Variants in NTM observed in about 807,000 individuals in gnomAD.
The protein encoded by NTM is IgLON family member 2.
A neutral mutation model predicts 42.1 loss-of-function variants in NTM; 13 were observed. The ratio of observed to expected loss-of-function variants is 0.31; its 90% CI spans 0.20 to 0.49. The LOEUF (loss-of-function observed/expected upper bound fraction) is 0.49. NTM is among the 20% of genes least tolerant of loss of function. The pLI, the probability that NTM is intolerant of heterozygous loss-of-function variation, is 0.99. For missense variants in NTM, 373 were observed against 452.8 expected, an observed-to-expected ratio of 0.82 and a Z score of 1.60; for synonymous variants, 187 against 179.2, an observed-to-expected ratio of 1.04 and a Z score of -0.35.
chr11:131,725,979 T>A (rs2078921662), intron 1 of NTM, among the ~76,000 whole-genome samples: 1 of 152,070 alleles, frequency 6.6e-6, no homozygotes, highest in South Asian at 2.1e-4. Flanking sequence ...CTGCTACCAG[T>A]CTTGAGGACC....
chr11:131,515,587 G>T lies in NTM; in HGVS notation c.82+144699G>T, dbSNP rs7931542. On this transcript the variant is annotated intron_variant, in intron 1 of 8. Transcript: ENST00000683400. The stretch of plus-strand genomic sequence containing the variant: ...GGAGTTCTACATGGGTTCAAGGCGA[G>T]AATTGTAAAGATCGTTTTCTGCTGG... Among the ~76,000 whole-genome samples the T allele has an allele frequency of 2.0e-5, 3 of 152,212 alleles. 1 individual carries two copies. Among genetic ancestry groups the T allele is most frequent in the African/African-American group, 7.2e-5 (3 of 41,444 alleles).
chr11:131,773,159 G>A (rs1403099556), intron 1 of NTM, among the ~76,000 whole-genome samples: 2 of 152,172 alleles, frequency 1.3e-5, no homozygotes, highest in African/African-American at 4.8e-5. Context: ...AGTGTCTGGT[G>A]AGGACCTGGT....
chr11:132,248,894 C>A (rs1304293523), intron 4 of NTM, among the ~76,000 whole-genome samples: 1 of 152,198 alleles, frequency 6.6e-6, no homozygotes, highest in African/African-American at 2.4e-5. Flanking sequence ...GGGTGGTGGT[C>A]AGGGACTTCT....
intron 1 of NTM, among the ~76,000 whole-genome samples, chr11:131,477,562 A>G (rs921951548): frequency 5.9e-5 from 9 of 151,774 alleles, no homozygotes; most frequent in African/African-American, 1.9e-4. Context: ...TCTGCTTCCT[A>G]TATCAGCTTG....
chr11:131,811,263 C>T (rs2092718475), intron 1 of NTM, among the ~76,000 whole-genome samples: 1 of 152,170 alleles, frequency 6.6e-6, no homozygotes. Flanking sequence ...AAGTCCTCAT[C>T]CTTTGTGTCC....
chr11:131,737,044 G>A (rs1305441913), intron 1 of NTM, among the ~76,000 whole-genome samples: 1 of 152,190 alleles, frequency 6.6e-6, no homozygotes, highest in Non-Finnish European at 1.5e-5. Context: ...TGGCGGTGCT[G>A]TACATTTATT....
At chr11:132,128,874 T>C (rs1367221625) in intron 2 of NTM, among the ~76,000 whole-genome samples, 3 of 142,502 alleles carry the variant, frequency 2.1e-5, no homozygotes, top group African/African-American at 8.0e-5. Flanking sequence ...GGAGGCAGAG[T>C]TTGCAGTGAG....
At chr11:132,104,976 T>TTTC in intron 2 of NTM, among the ~76,000 whole-genome samples, 2 of 121,226 alleles carry the variant, frequency 1.6e-5, no homozygotes, top group East Asian at 2.7e-4. Flanking sequence ...TATATATATA[T>TTTC]ATATATATAT....
At chr11:132,316,957 T>C (rs1469680992) in intron 7 of NTM, among the ~76,000 whole-genome samples, 1 of 152,230 alleles carries the variant, frequency 6.6e-6, no homozygotes, top group Non-Finnish European at 1.5e-5. Flanking sequence ...ATATACAAAC[T>C]TCTTGATGAA....
At chr11:131,833,337 G>A (rs7104953) in intron 1 of NTM, among the ~76,000 whole-genome samples, 93,324 of 152,020 alleles carry the variant, frequency 0.61, 29,029 homozygotes, top group Admixed American at 0.7. Context: ...GCAGACACTT[G>A]ATATGCTCCA....
chr11:132,103,010 A>G (rs2061815869), intron 2 of NTM, among the ~76,000 whole-genome samples: 1 of 152,238 alleles, frequency 6.6e-6, no homozygotes, highest in African/African-American at 2.4e-5. Context: ...TCAGGGCCTC[A>G]GGGAGCCTGT....
intron 4 of NTM, among the ~76,000 whole-genome samples, chr11:132,246,279 G>C (rs955736668): frequency 6.6e-6 from 1 of 152,202 alleles, no homozygotes; most frequent in African/African-American, 2.4e-5. Flanking sequence ...ATGCCTGTGC[G>C]CGTGCGTGTG....
At chr11:132,278,866 T>C (rs1658133523) in intron 4 of NTM, among the ~76,000 whole-genome samples, 1 of 152,036 alleles carries the variant, frequency 6.6e-6, no homozygotes, top group Admixed American at 6.6e-5. Context: ...TCTCCTTGTA[T>C]TTCATTCAAC....
intron 1 of NTM, among the ~76,000 whole-genome samples, chr11:131,617,125 G>A (rs948014430): frequency 4.6e-5 from 7 of 152,104 alleles, no homozygotes; most frequent in African/African-American, 1.7e-4. Context: ...CCCTAGGTGT[G>A]CTGCCGATGT....
At chr11:132,211,898 C>G in intron 3 of NTM, 124 bp from the exon 4 acceptor site, 1 of 824,922 alleles carries the variant, frequency 1.2e-6, no homozygotes, top group Non-Finnish European at 1.7e-6. Context: ...CCTCTAATTT[C>G]TTATCGTTAA....
chr11:131,516,455 G>A (rs763883943), intron 1 of NTM, among the ~76,000 whole-genome samples: 44 of 152,166 alleles, frequency 2.9e-4, no homozygotes, highest in Admixed American at 5.9e-4. Flanking sequence ...CTCGGCTCAC[G>A]CAATCTCCGC....
chr11:132,009,076 A>G (rs2071487919), intron 2 of NTM, among the ~76,000 whole-genome samples: 1 of 152,164 alleles, frequency 6.6e-6, no homozygotes, highest in Non-Finnish European at 1.5e-5. Flanking sequence ...CCGCTGACTG[A>G]TGGTCCAGCC....
chr11:132,247,389 A>G (rs1013313786), intron 4 of NTM, among the ~76,000 whole-genome samples: 1 of 152,192 alleles, frequency 6.6e-6, no homozygotes, highest in African/African-American at 2.4e-5. Context: ...ACATCGCAAA[A>G]ATGGGGATCA....
At chr11:132,217,785 G>A (rs1379471888) in intron 4 of NTM, among the ~76,000 whole-genome samples, 1 of 150,742 alleles carries the variant, frequency 6.6e-6, no homozygotes, top group Non-Finnish European at 1.5e-5. Flanking sequence ...GTTTTAAAAG[G>A]CACCAAATTG....
Sources: allele counts gnomAD v4.1 joint callset (sites outside exome capture counted in the v4.1 genomes callset), GRCh38; gene constraint gnomAD v4.1.1; transcripts MANE v1.5; gene names NCBI Gene and HGNC (gene_info 2026-07-23, HGNC 2026-07-21).